The following SYNE3 variants were observed in gnomAD, a reference collection of about 807,000 sequenced individuals.
The protein encoded by SYNE3 is nesprin-3.
A neutral mutation model predicts 111.2 loss-of-function variants in SYNE3; 100 were observed. The observed-to-expected ratio is 0.90, with a 90% CI of 0.77 to 1.06. The LOEUF (loss-of-function observed/expected upper bound fraction) is 1.06. Ranked by LOEUF, SYNE3 falls within the 50% of genes least tolerant of loss-of-function variation. The pLI, the probability that SYNE3 is intolerant of heterozygous loss-of-function variation, is 0.00. For synonymous variants in SYNE3, 547 were observed against 533.9 expected (o/e 1.02, Z -0.34); for missense variants, 1,160 against 1,240.3 (o/e 0.94, Z 0.97).
chr14:95,452,542 A>G (rs4905322), intron 6 of SYNE3, among the ~76,000 whole-genome samples, 159 bp from the exon 7 acceptor site: 94,183 of 152,108 alleles, frequency 0.62, 30,151 homozygotes, highest in African/African-American at 0.79. Context: ...CTCAGCCCCT[A>G]CCCTCCCATC....
At chr14:95,455,927 A>G (rs1380395996) in intron 5 of SYNE3, 2 of 532,610 alleles carry the variant, frequency 3.8e-6, no homozygotes, top group South Asian at 3.3e-5. Flanking sequence ...TTCCTTCCCC[A>G]TAAGTCTTTT....
chr14:95,426,769 G>C (rs567242363), intron 17 of SYNE3, among the ~76,000 whole-genome samples: 48 of 151,426 alleles, frequency 3.2e-4, no homozygotes, highest in Non-Finnish European at 5.9e-5. Flanking sequence ...GTGAAACCAC[G>C]TCTCTACTAA....
rs928246472 is a variant in SYNE3 at position 95,470,651 on chromosome 14, T to G, written c.145-2684A>C. 2.5e-4 allele frequency among the ~76,000 whole-genome samples: 25 copies of G among 99,712 alleles called. No homozygotes were observed. The highest frequency in any genetic ancestry group is 6.0e-4 in the Admixed American group (5 of 8,288). 65.4% of individuals were successfully genotyped at this position (99,712 alleles called of 152,430 possible). Reference sequence around the variant, plus strand: ...GGGCAGCAGGGCAAGAACCTGTCACTAAAAAACTAAAAATAAGAAAAAAAA... The same window carrying G: ...GGGCAGCAGGGCAAGAACCTGTCACGAAAAAACTAAAAATAAGAAAAAAAA... On this transcript the variant is annotated intron_variant, in intron 2 of 17. Transcript: ENST00000682763. The surrounding 1 kb of genome is among the most constrained non-coding windows in gnomAD (Gnocchi z 4.2).
chr14:95,492,385 A>G (rs1455556751), intron 1 of SYNE3, among the ~76,000 whole-genome samples: 1 of 152,270 alleles, frequency 6.6e-6, no homozygotes, highest in African/African-American at 2.4e-5. Flanking sequence ...TGATAAATGG[A>G]TAAGGAAATC....
intron 1 of SYNE3, among the ~76,000 whole-genome samples, chr14:95,491,236 T>G (rs1889836298): frequency 6.6e-6 from 1 of 152,148 alleles, no homozygotes; most frequent in Admixed American, 6.5e-5. Flanking sequence ...CAGTTGGACT[T>G]GTCCTTCGGA....
chr14:95,483,288 C>T (rs1189489714), intron 1 of SYNE3, among the ~76,000 whole-genome samples: 1 of 152,190 alleles, frequency 6.6e-6, no homozygotes, highest in Non-Finnish European at 1.5e-5. Flanking sequence ...AGCCTGGTGC[C>T]CCTGCTCTGT....
chr14:95,510,522 C>T (rs575101275), intron 1 of SYNE3, among the ~76,000 whole-genome samples: 2 of 152,290 alleles, frequency 1.3e-5, no homozygotes, highest in South Asian at 4.1e-4. Flanking sequence ...AGCACTTGGT[C>T]GGGTTTGGTG....
chr14:95,481,980 C>A (rs1889287068), intron 1 of SYNE3, among the ~76,000 whole-genome samples: 2 of 152,212 alleles, frequency 1.3e-5, no homozygotes, highest in Non-Finnish European at 2.9e-5. Flanking sequence ...TGGGTCCAGA[C>A]CTCTCTCCCT....
At chr14:95,438,287 C>G (rs1886212002) in intron 14 of SYNE3, 1 of 152,152 alleles carries the variant, frequency 6.6e-6, no homozygotes, top group South Asian at 2.1e-4. Context: ...GCTATCTTGC[C>G]CAGGCTTGTC....
intron 1 of SYNE3, among the ~76,000 whole-genome samples, chr14:95,507,305 G>A (rs1276297384): frequency 6.6e-6 from 1 of 152,226 alleles, no homozygotes; most frequent in Non-Finnish European, 1.5e-5. Context: ...CTCAGCCAAT[G>A]TCAGTACGTT....
chr14:95,424,654 G>A (rs902871417), intron 17 of SYNE3, among the ~76,000 whole-genome samples: 2 of 152,128 alleles, frequency 1.3e-5, no homozygotes, highest in Admixed American at 6.6e-5. Flanking sequence ...CCACAGCACC[G>A]CTCTGTGACA....
chr14:95,490,070 C>T (rs539661445), intron 1 of SYNE3, among the ~76,000 whole-genome samples: 37 of 152,318 alleles, frequency 2.4e-4, no homozygotes, highest in South Asian at 2.3e-3. Context: ...CACTCTGAGA[C>T]GAGTGAGCTT....
chr14:95,481,254 A>G (rs919227601), intron 1 of SYNE3, among the ~76,000 whole-genome samples: 1 of 152,242 alleles, frequency 6.6e-6, no homozygotes, highest in Non-Finnish European at 1.5e-5. Context: ...TGACTCCAAA[A>G]TAAAGTTGAA....
rs543114989 is a variant in SYNE3, at chr14:95,452,312, G to A, written c.1209C>T (p.Ile403=). The part of the protein sequence containing the change: ...DRLQAQLKEL[I]VFPHNLKPLS... ...GTGGCTTCAGGTTGTGAGGGAAGACGATGAGCTCCTTCAGCTGGGCTTGCA... is the reference window on the plus strand; with the variant it reads ...GTGGCTTCAGGTTGTGAGGGAAGACAATGAGCTCCTTCAGCTGGGCTTGCA... Residue 403 remains isoleucine (I), a synonymous_variant, in exon 7 of 18, where the codon ATC becomes ATT. Transcript: ENST00000682763. The A allele has an allele frequency of 1.9e-6, 3 of 1,614,032 alleles. No homozygotes were observed. The East Asian group carries it at 6.7e-5, about 36-fold the overall frequency.
intron 17 of SYNE3, among the ~76,000 whole-genome samples, chr14:95,425,112 G>A (rs1440737670): frequency 2.0e-5 from 3 of 152,140 alleles, no homozygotes; most frequent in African/African-American, 7.2e-5. Context: ...CTGGTGTGAT[G>A]GTGGGCACCT....
chr14:95,470,787 G>A lies in SYNE3; in HGVS notation c.145-2820C>T, dbSNP rs187290481. 2.4e-3 allele frequency among the ~76,000 whole-genome samples: 363 copies of A among 152,196 alleles called. 1 individual carries two copies. Among genetic ancestry groups the A allele is most frequent in the Admixed American group, 4.4e-3 (67 of 15,294 alleles). ...ATCCTGGCCAACATGGTGAAACACC[G>A]TCTCTACTGAAAATACAAAAATTAG... On this transcript the variant is annotated intron_variant, in intron 2 of 17. Coordinates refer to ENST00000682763, the MANE Select transcript of SYNE3 (RefSeq NM_152592.6). This position sits in a 1 kb window ranked among gnomAD's most constrained non-coding sequence, Gnocchi z 4.2.
chr14:95,507,569 G>A (rs558528058), intron 1 of SYNE3, among the ~76,000 whole-genome samples: 139 of 152,292 alleles, frequency 9.1e-4, no homozygotes, highest in Non-Finnish European at 8.8e-5. Flanking sequence ...TGGGCATTTG[G>A]GTGTTTTTAC....
chr14:95,469,567 C>T (rs1458441648), intron 2 of SYNE3, among the ~76,000 whole-genome samples: 13 of 150,248 alleles, frequency 8.7e-5, no homozygotes, highest in East Asian at 5.8e-4. Flanking sequence ...AAAAATTAGC[C>T]GGATGTAGTG....
At chr14:95,483,815 C>A (rs539042503) in intron 1 of SYNE3, among the ~76,000 whole-genome samples, 1 of 152,166 alleles carries the variant, frequency 6.6e-6, no homozygotes, top group African/African-American at 2.4e-5. Flanking sequence ...TGCAGGGCCA[C>A]GCCACCCTCT....
Sources: allele counts gnomAD v4.1 joint callset (sites outside exome capture counted in the v4.1 genomes callset), GRCh38; gene constraint gnomAD v4.1.1; non-coding constraint Gnocchi (gnomAD v3.1); transcripts MANE v1.5; gene names NCBI Gene and HGNC (gene_info 2026-07-23, HGNC 2026-07-21).